The following SMG6 variants were observed in gnomAD, a reference collection of about 807,000 sequenced individuals.
The protein encoded by SMG6 is telomerase-binding protein EST1A.
In SMG6, 66 loss-of-function variants were observed where a neutral mutation model predicts 142.2. The observed-to-expected ratio is 0.46, with a 90% CI of 0.38 to 0.57. The LOEUF is 0.57. Among genes scored for constraint, SMG6 ranks in the 20% least tolerant of loss-of-function variants. The probability of loss-of-function intolerance (pLI) is 0.00; values close to 1 mark genes in which losing one functional copy is unlikely to be tolerated. For missense variants in SMG6, 1,793 were observed against 1,832.0 expected (o/e 0.98, Z 0.39); for synonymous variants, 779 against 702.4 (o/e 1.11, Z -1.72).
chr17:2,262,432 A>C (rs2074336852), intron 8 of SMG6, among the ~76,000 whole-genome samples: 1 of 152,248 alleles, frequency 6.6e-6, no homozygotes, highest in African/African-American at 2.4e-5. Context: ...GACAGCACCA[A>C]TGTGGACATC....
At chr17:2,298,370 A>C (rs2075190468) in intron 2 of SMG6, among the ~76,000 whole-genome samples, 1 of 152,186 alleles carries the variant, frequency 6.6e-6, no homozygotes, top group Admixed American at 6.5e-5. Flanking sequence ...AGATTCCATG[A>C]TCCCTTAAAG....
intron 13 of SMG6, among the ~76,000 whole-genome samples, chr17:2,104,891 AGAGTATAGG>A (rs1041777087): frequency 3.9e-4 from 60 of 152,034 alleles, no homozygotes; most frequent in African/African-American, 1.4e-3. Flanking sequence ...ACTTTCACAA[AGAGTATAGG>A]GAAAGGTCTC....
At chr17:2,126,980 G>A (rs753207317) in intron 13 of SMG6, among the ~76,000 whole-genome samples, 41 of 151,828 alleles carry the variant, frequency 2.7e-4, no homozygotes, top group African/African-American at 4.3e-4. Flanking sequence ...GAACACACGC[G>A]TGCATATAAT....
chr17:2,059,977 C>G lies in SMG6; in HGVS notation c.*1515G>C, dbSNP rs1301441815. ...GGGGAGAGAATCTTAAAGGAGAGGC[C>G]GGGGACCCTGTACTCCAAAGAGCCC... On this transcript the variant is annotated 3_prime_UTR_variant, in exon 19 of 19. Coordinates refer to ENST00000263073, the MANE Select transcript of SMG6 (RefSeq NM_017575.5). 6.6e-6 allele frequency: 1 copy of G among 152,274 alleles called. No homozygotes were observed. Among genetic ancestry groups the G allele is most frequent in the Non-Finnish European group, 1.5e-5 (1 of 68,074 alleles). 9.4% of individuals were successfully genotyped at this position (152,274 alleles called of 1,614,324 possible). A position where few individuals can be genotyped will look rare whatever the true frequency, so the allele number is the denominator to read the frequency against.
intron 13 of SMG6, among the ~76,000 whole-genome samples, chr17:2,155,854 C>T (rs113548296): frequency 6.6e-6 from 1 of 152,072 alleles, no homozygotes; most frequent in Non-Finnish European, 1.5e-5. Context: ...AATCATCCAC[C>T]GTCTGGTTTT....
chr17:2,303,743 G>A lies in SMG6; in HGVS notation c.-23C>T, dbSNP rs1378487399. The A allele has an allele frequency of 6.7e-7, 1 of 1,483,922 alleles. No homozygotes were observed. Among genetic ancestry groups the A allele is most frequent in the Non-Finnish European group, 8.9e-7 (1 of 1,123,342 alleles). The allele number at this position is 1,483,922 out of a possible 1,614,324, so 91.9% of individuals were successfully genotyped here. On this transcript the variant is annotated 5_prime_UTR_variant, in exon 1 of 19. It adds an upstream start codon to the 5' untranslated region. Coordinates refer to ENST00000263073, the MANE Select transcript of SMG6 (RefSeq NM_017575.5). ...CATCTTCGCGGCTGCTGCTACAGCCGTAGCGGCTCCGCCACCGCCGCGCGC... is the reference window on the plus strand; with the variant it reads ...CATCTTCGCGGCTGCTGCTACAGCCATAGCGGCTCCGCCACCGCCGCGCGC...
chr17:2,170,883 G>T (rs2071483031), intron 13 of SMG6, among the ~76,000 whole-genome samples: 1 of 152,062 alleles, frequency 6.6e-6, no homozygotes, highest in South Asian at 2.1e-4. Context: ...AGCAAAGATT[G>T]GTTAAAGAAA....
chr17:2,081,786 C>A (rs753436669), intron 15 of SMG6, 24 bp downstream of exon 15: 1 of 1,611,040 alleles, frequency 6.2e-7, no homozygotes, highest in Admixed American at 1.7e-5. Flanking sequence ...ATAGTGGGAA[C>A]CACGCTCCCC....
At chr17:2,268,556 A>G (rs2074473913) in intron 8 of SMG6, among the ~76,000 whole-genome samples, 1 of 152,038 alleles carries the variant, frequency 6.6e-6, no homozygotes, top group Non-Finnish European at 1.5e-5. Flanking sequence ...GCAGATCACT[A>G]GAGGTCAGGA....
chr17:2,196,393 G>A (rs188341466), intron 10 of SMG6, among the ~76,000 whole-genome samples: 19 of 152,270 alleles, frequency 1.2e-4, no homozygotes, highest in Admixed American at 7.9e-4. Context: ...GCGTCATTGC[G>A]CTTCAGCCTG....
intron 13 of SMG6, among the ~76,000 whole-genome samples, chr17:2,153,324 TAA>T (rs1567641200): frequency 6.6e-6 from 1 of 152,172 alleles, no homozygotes; most frequent in African/African-American, 2.4e-5. Context: ...TGGAAAAAGC[TAA>T]GTTACAGAGA....
rs1233742563 is a variant in SMG6, at chr17:2,068,861, T to G, written c.3752A>C (p.Asp1251Ala). 1 of 1,614,228 alleles carries G rather than the reference T, an allele frequency of 6.2e-7. No homozygotes were observed. The highest frequency in any genetic ancestry group is 2.2e-5 in the East Asian group (1 of 44,882). ...LEIRPLFLVP[D>A]TNGFIDHLAS... ...CAGGTGGTCAATGAAGCCGTTGGTG[T>G]CTGGTACGAGGAACAAAGGTCTGAT... Residue 1251 changes from aspartate to alanine, a missense_variant, in exon 16 of 19, where the codon GAC (aspartate) becomes GCC (alanine). By Grantham distance (126) the Asp-to-Ala change is moderately radical. Around this residue, in one of 3 missense-constraint regions of SMG6, gnomAD observed 17 missense variants for 34.7 expected, o/e 0.49. Transcript: ENST00000263073. This position sits in a 1 kb window ranked among gnomAD's most constrained non-coding sequence, Gnocchi z 6.7.
At chr17:2,155,100 T>TG (rs1274739062) in intron 13 of SMG6, among the ~76,000 whole-genome samples, 1 of 151,312 alleles carries the variant, frequency 6.6e-6, no homozygotes, top group Non-Finnish European at 1.5e-5. Context: ...TCACCCAGGC[T>TG]GGAGTGCAGT....
chr17:2,081,584 T>C (rs2068425413), intron 15 of SMG6, among the ~76,000 whole-genome samples: 2 of 152,128 alleles, frequency 1.3e-5, no homozygotes, highest in Non-Finnish European at 2.9e-5. Context: ...TCAGAGTCTC[T>C]GAGAAGACCG....
chr17:2,227,634 G>T (rs567583304), intron 10 of SMG6, among the ~76,000 whole-genome samples: 1 of 152,200 alleles, frequency 6.6e-6, no homozygotes, highest in Admixed American at 6.5e-5. Context: ...TGATGGAAAC[G>T]CTCTCTATCT....
intron 10 of SMG6, among the ~76,000 whole-genome samples, chr17:2,219,539 C>T (rs367916903): frequency 1.1e-4 from 17 of 152,096 alleles, no homozygotes; most frequent in Admixed American, 4.6e-4. Context: ...GTAATCCCAG[C>T]GCATTTTGAG....
chr17:2,064,875 C>T lies in SMG6; in HGVS notation c.4129+198G>A, dbSNP rs576755307. Among the ~76,000 whole-genome samples, 7 of 151,620 alleles carry T rather than the reference C, an allele frequency of 4.6e-5. 1 individual carries two copies. In the South Asian group the frequency reaches 1.2e-3, roughly 27 times the overall value. On this transcript the variant is annotated intron_variant, in intron 18 of 18. Coordinates refer to ENST00000263073, the MANE Select transcript of SMG6 (RefSeq NM_017575.5). The stretch of plus-strand genomic sequence containing the variant: ...TGGGCTAGGCTCATCTCTAGTTGGC[C>T]CAGGGTGCACCTGGCATTCCCTGGG...
chr17:2,143,091 G>A lies in SMG6; in HGVS notation c.3357+29567C>T, dbSNP rs181172996. ...TAATAAGTGTTAGTGAAGATGTGGG[G>A]AAATTGAACCCTCATACATTTGCTG... On this transcript the variant is annotated intron_variant, in intron 13 of 18. Coordinates refer to ENST00000263073, the MANE Select transcript of SMG6 (RefSeq NM_017575.5). Among the ~76,000 whole-genome samples the A allele has an allele frequency of 3.5e-4, 53 of 152,214 alleles. 1 individual carries two copies. Among genetic ancestry groups the A allele is most frequent in the South Asian group, 1.0e-3 (5 of 4,820 alleles).
chr17:2,258,988 G>C (rs908856270), intron 8 of SMG6, among the ~76,000 whole-genome samples: 2 of 151,836 alleles, frequency 1.3e-5, no homozygotes, highest in African/African-American at 4.8e-5. Flanking sequence ...TGAGGTAGGA[G>C]AATTGCTTCA....
Sources: allele counts gnomAD v4.1 joint callset (sites outside exome capture counted in the v4.1 genomes callset), GRCh38; gene constraint gnomAD v4.1.1; regional missense constraint gnomAD v4.1.1; non-coding constraint Gnocchi (gnomAD v3.1); transcripts MANE v1.5; gene names NCBI Gene and HGNC (gene_info 2026-07-23, HGNC 2026-07-21).